HIPK2: variants seen among roughly 807,000 people sequenced by gnomAD.
The protein encoded by HIPK2 is homeodomain-interacting protein kinase 2.
Under a neutral mutation model 113.7 loss-of-function variants are expected in HIPK2, and 27 were observed. The observed-to-expected ratio is 0.24, with a 90% CI of 0.17 to 0.33. HIPK2 has a LOEUF of 0.33. Ranked by LOEUF, HIPK2 falls within the 10% of genes least tolerant of loss-of-function variation. The probability of loss-of-function intolerance (pLI) is 1.00; values close to 1 mark genes in which losing one functional copy is unlikely to be tolerated. For synonymous variants in HIPK2, 631 were observed against 642.2 expected, an observed-to-expected ratio of 0.98 and a Z score of 0.26; for missense variants, 1,257 against 1,588.0, an observed-to-expected ratio of 0.79 and a Z score of 3.54.
At chr7:139,573,551 T>C in intron 14 of HIPK2, 154 bp from the exon 15 acceptor site, 2 of 277,766 alleles carry the variant, frequency 7.2e-6, no homozygotes, top group Non-Finnish European at 1.1e-5. Context: ...AAAGTAAAAA[T>C]TTACTTGGGA....
At chr7:139,666,316 C>T (rs531040905) in intron 2 of HIPK2, among the ~76,000 whole-genome samples, 1 of 152,278 alleles carries the variant, frequency 6.6e-6, no homozygotes, top group East Asian at 1.9e-4. Flanking sequence ...CCTTCTGAGA[C>T]TTGAGGAGCA....
chr7:139,581,560 G>A (rs376023120), intron 13 of HIPK2, among the ~76,000 whole-genome samples: 76 of 152,352 alleles, frequency 5.0e-4, no homozygotes, highest in South Asian at 1.0e-3. Flanking sequence ...TGAGTATGGC[G>A]GGGAAACAGC....
intron 12 of HIPK2, among the ~76,000 whole-genome samples, chr7:139,594,009 C>T (rs1386682834): frequency 6.6e-6 from 1 of 152,142 alleles, no homozygotes; most frequent in Non-Finnish European, 1.5e-5. Context: ...GATCCCTCCC[C>T]AACCCCCTTT....
chr7:139,606,734 T>C (rs1799630141), intron 9 of HIPK2, among the ~76,000 whole-genome samples: 1 of 152,198 alleles, frequency 6.6e-6, no homozygotes, highest in South Asian at 2.1e-4. Flanking sequence ...GATCAGGGGA[T>C]CTGTCAGTGA....
chr7:139,629,677 T>C (rs760606600), intron 4 of HIPK2, among the ~76,000 whole-genome samples: 3 of 152,218 alleles, frequency 2.0e-5, no homozygotes, highest in Non-Finnish European at 4.4e-5. Context: ...CTGGAGATAC[T>C]GCTGTTTCCA....
chr7:139,748,486 T>C (rs1485905583), intron 1 of HIPK2, among the ~76,000 whole-genome samples: 2 of 151,626 alleles, frequency 1.3e-5, no homozygotes, highest in Non-Finnish European at 2.9e-5. Context: ...TGAGGGACGG[T>C]GTGTTCCATG....
intron 2 of HIPK2, among the ~76,000 whole-genome samples, chr7:139,644,944 A>ATACTAAGAAAGTAACATCACT (rs1229008153): frequency 6.6e-6 from 1 of 152,266 alleles, no homozygotes; most frequent in Non-Finnish European, 1.5e-5. Flanking sequence ...AGATGGATGC[A>ATACTAAGAAAGTAACATCACT]TACTAAGAAA....
rs145962626 is a variant in HIPK2 at position 139,718,945 on chromosome 7, G to A, written c.20-1930C>T. On this transcript the variant is annotated intron_variant, in intron 1 of 14. Coordinates refer to ENST00000406875, the MANE Select transcript of HIPK2 (RefSeq NM_022740.5). ...TGCACTATAGGCTCCTGTTCTTGAA[G>A]GTAAATGACTTCCTAATTGCCTAAT... is the stretch of plus-strand genomic sequence containing the variant. Among the ~76,000 whole-genome samples, 229 of 152,224 alleles carry A rather than the reference G, an allele frequency of 1.5e-3. 4 individuals carry two copies. Among genetic ancestry groups the A allele is most frequent in the Middle Eastern group, 0.01 (3 of 294 alleles).
intron 1 of HIPK2, among the ~76,000 whole-genome samples, chr7:139,732,972 G>C (rs963492286): frequency 6.6e-6 from 1 of 151,808 alleles, no homozygotes; most frequent in South Asian, 2.1e-4. Context: ...TCTCAAGAAT[G>C]GTTTAGCACC....
chr7:139,610,378 G>T (rs1799772006), intron 9 of HIPK2, among the ~76,000 whole-genome samples: 1 of 152,214 alleles, frequency 6.6e-6, no homozygotes, highest in Non-Finnish European at 1.5e-5. Context: ...TTGCCACTCA[G>T]ATAAAGTATG....
chr7:139,695,804 G>C (rs1344064169), intron 2 of HIPK2, among the ~76,000 whole-genome samples: 2 of 152,228 alleles, frequency 1.3e-5, no homozygotes, highest in Admixed American at 6.5e-5. Context: ...CAAAACCACA[G>C]TTCAGTGAAA....
Position 139,629,049 on chromosome 7 carries a change from G to A in HIPK2, c.1348-10C>T, listed in dbSNP as rs763770488. 1 of 1,581,384 alleles carries A rather than the reference G, an allele frequency of 6.3e-7. No individual in the cohort carries two copies. The highest frequency in any genetic ancestry group is 8.6e-7 in the Non-Finnish European group (1 of 1,161,416). ...CATGGTCATCTGGTGTCTGTCAAGA[G>A]AGGCAAAAGCCAATTGGTAGCGTGA... On this transcript the variant is annotated splice_polypyrimidine_tract_variant and intron_variant, in intron 4 of 14. Coordinates refer to ENST00000406875, the MANE Select transcript of HIPK2 (RefSeq NM_022740.5).
At chr7:139,684,775 T>C (rs1208190449) in intron 2 of HIPK2, among the ~76,000 whole-genome samples, 3 of 152,146 alleles carry the variant, frequency 2.0e-5, no homozygotes, top group Non-Finnish European at 4.4e-5. Flanking sequence ...AACAGCCAAG[T>C]TGTGAATGCA....
intron 1 of HIPK2, among the ~76,000 whole-genome samples, chr7:139,765,501 G>A (rs1238991969): frequency 1.3e-5 from 2 of 152,184 alleles, no homozygotes; most frequent in Non-Finnish European, 2.9e-5. Flanking sequence ...CTGCTAAAAC[G>A]CAAGCTGCTT....
chr7:139,621,071 AC>A (rs1248885772), intron 6 of HIPK2, among the ~76,000 whole-genome samples: 7 of 152,320 alleles, frequency 4.6e-5, no homozygotes, highest in African/African-American at 1.7e-4. Flanking sequence ...CAGTATGGTG[AC>A]CCTATTGCCA....
chr7:139,719,617 T>C (rs1165885926), intron 1 of HIPK2, among the ~76,000 whole-genome samples: 1 of 152,198 alleles, frequency 6.6e-6, no homozygotes, highest in Non-Finnish European at 1.5e-5. Flanking sequence ...CCCCTTATTT[T>C]TTCCTAAAAA....
At chr7:139,703,731 T>C (rs1199543060) in intron 2 of HIPK2, among the ~76,000 whole-genome samples, 4 of 123,650 alleles carry the variant, frequency 3.2e-5, no homozygotes, top group African/African-American at 9.6e-5. Flanking sequence ...ATATCCAACA[T>C]ACACACCCGA....
At position 139,563,026 on chromosome 7, in the gene HIPK2, T is replaced by C. The variant is rs967618230; in HGVS notation, c.*9901A>G. Reference sequence around the variant, plus strand: ...AGATGACTGTGCCCTGGAAAGTCCATGGAAGAAGCTTGAAGTGAGCAGGAA... The same window carrying C: ...AGATGACTGTGCCCTGGAAAGTCCACGGAAGAAGCTTGAAGTGAGCAGGAA... On this transcript the variant is annotated 3_prime_UTR_variant, in exon 15 of 15. Transcript: ENST00000406875. 7 of 149,094 alleles carry C rather than the reference T, an allele frequency of 4.7e-5. No individual in the cohort carries two copies. The highest frequency in any genetic ancestry group is 1.7e-4 in the African/African-American group (7 of 40,092). 9.2% of individuals were successfully genotyped at this position (149,094 alleles called of 1,614,324 possible).
intron 1 of HIPK2, among the ~76,000 whole-genome samples, chr7:139,747,014 G>C (rs1796201527): frequency 6.6e-6 from 1 of 152,196 alleles, no homozygotes; most frequent in Non-Finnish European, 1.5e-5. Context: ...ACCACGCACT[G>C]AGCCAAAGCC....
Sources: gnomAD v4.1 joint callset for allele counts (sites outside exome capture counted in the v4.1 genomes callset) on GRCh38, gnomAD v4.1.1 for gene constraint, MANE v1.5 for transcripts, NCBI Gene and HGNC (gene_info 2026-07-23, HGNC 2026-07-21) for gene names.